The following SEMA4B variants were observed in gnomAD, a reference collection of about 807,000 sequenced individuals.
SEMA4B encodes the protein semaphorin 4B, also known as semaphorin-4B.
Under a neutral mutation model 88.1 loss-of-function variants are expected in SEMA4B, and 55 were observed. The ratio of observed to expected loss-of-function variants is 0.62; its 90% CI spans 0.50 to 0.78. The LOEUF (loss-of-function observed/expected upper bound fraction) is 0.78. Ranked by LOEUF, SEMA4B falls within the 30% of genes least tolerant of loss-of-function variation. SEMA4B has a pLI of 0.00. For missense variants in SEMA4B, 1,062 were observed against 1,111.9 expected, an observed-to-expected ratio of 0.96 and a Z score of 0.64; for synonymous variants, 525 against 473.6, an observed-to-expected ratio of 1.11 and a Z score of -1.41.
chr15:90,216,838 C>G (rs979741560), intron 1 of SEMA4B, among the ~76,000 whole-genome samples: 3 of 149,748 alleles, frequency 2.0e-5, no homozygotes, highest in African/African-American at 4.9e-5. Flanking sequence ...AGCGAGACTT[C>G]GTCTCAAAAA....
At chr15:90,220,101 G>A (rs1266989755) in intron 4 of SEMA4B, 2 of 528,768 alleles carry the variant, frequency 3.8e-6, no homozygotes, top group East Asian at 3.2e-5. Flanking sequence ...GGGAGGCGGG[G>A]GCACATGCGG....
chr15:90,198,815 TG>T (rs1960599703), upstream of SEMA4B, among the ~76,000 whole-genome samples: 1 of 152,140 alleles, frequency 6.6e-6, no homozygotes, highest in Admixed American at 6.5e-5. Context: ...GTGAATGAGA[TG>T]GGGGAACCCT....
intron 1 of SEMA4B, among the ~76,000 whole-genome samples, chr15:90,188,792 C>T (rs1024860886): frequency 2.0e-5 from 3 of 151,924 alleles, no homozygotes; most frequent in South Asian, 2.1e-4. Context: ...CTCAGCCTCC[C>T]GAGTAGCTGG....
chr15:90,200,803 C>CT (rs554688184), upstream of SEMA4B, among the ~76,000 whole-genome samples: 98 of 152,350 alleles, frequency 6.4e-4, 1 homozygote, highest in Middle Eastern at 3.4e-3. Context: ...GGTGCCTAGA[C>CT]TAAGTGCTGA....
intron 3 of SEMA4B, chr15:90,219,554 A>G (rs74037029): frequency 0.2 from 104,343 of 518,500 alleles, 14,408 homozygotes; most frequent in East Asian, 0.6. Flanking sequence ...CCCTAGGCCG[A>G]AGGAAAGTTT....
chr15:90,212,455 G>A lies in SEMA4B; in HGVS notation c.158-4984G>A, dbSNP rs184611470. On this transcript the variant is annotated intron_variant, in intron 1 of 13. Transcript: ENST00000411539. This position sits in a 1 kb window ranked among gnomAD's most constrained non-coding sequence, Gnocchi z 4.0. The stretch of plus-strand genomic sequence containing the variant: ...GGATAGATGGATTTAGAGGATGTCC[G>A]AGCAGCACAGGCAGCCCAGGAGAGC... Among the ~76,000 whole-genome samples the A allele has an allele frequency of 2.7e-4, 41 of 152,240 alleles. No homozygotes were observed. Among genetic ancestry groups the A allele is most frequent in the Admixed American group, 2.2e-3 (34 of 15,296 alleles).
At chr15:90,213,984 G>A (rs1961398887) in intron 1 of SEMA4B, among the ~76,000 whole-genome samples, 2 of 152,194 alleles carry the variant, frequency 1.3e-5, no homozygotes, top group Admixed American at 6.5e-5. Context: ...CCTGACCCCC[G>A]TCATCCTGTT....
At chr15:90,210,522 C>T (rs1394797530) in intron 1 of SEMA4B, among the ~76,000 whole-genome samples, 1 of 152,142 alleles carries the variant, frequency 6.6e-6, no homozygotes, top group Non-Finnish European at 1.5e-5. Flanking sequence ...GGCCCAGGGT[C>T]GGGCGGCATC....
intron 1 of SEMA4B, among the ~76,000 whole-genome samples, chr15:90,191,141 G>C (rs1285492109): frequency 6.6e-6 from 1 of 152,190 alleles, no homozygotes; most frequent in African/African-American, 2.4e-5. Flanking sequence ...TTGCCCCACA[G>C]CCCTGTGGGG....
chr15:90,196,164 G>A (rs1417516160), intron 1 of SEMA4B, among the ~76,000 whole-genome samples: 1 of 148,438 alleles, frequency 6.7e-6, no homozygotes, highest in Middle Eastern at 3.6e-3. Context: ...TCCTGACCTC[G>A]TGATCCGCCC....
chr15:90,191,936 C>T (rs61407869), intron 1 of SEMA4B: 11,359 of 152,370 alleles, frequency 0.075, 1,326 homozygotes, highest in African/African-American at 0.25. Flanking sequence ...TCAACATGTA[C>T]TGATGCTGCA....
chr15:90,210,454 T>C (rs905485734), intron 1 of SEMA4B, among the ~76,000 whole-genome samples: 5 of 152,084 alleles, frequency 3.3e-5, no homozygotes, highest in Non-Finnish European at 7.4e-5. Flanking sequence ...AGCAAGAACA[T>C]TCAGGAGCAA....
chr15:90,225,628 G>A, intron 11 of SEMA4B, 33 bp from the exon 12 acceptor site: 1 of 1,549,320 alleles, frequency 6.5e-7, no homozygotes, highest in African/African-American at 1.4e-5. Flanking sequence ...GGCTGCCCAT[G>A]CCCGCTTCTC....
At chr15:90,227,472 C>T (rs1249793257) in intron 12 of SEMA4B, 85 bp from the exon 13 acceptor site, 5 of 1,294,696 alleles carry the variant, frequency 3.9e-6, no homozygotes, top group Admixed American at 2.0e-5. Flanking sequence ...AGGCCCTTGC[C>T]CAGGCCCAAG....
At chr15:90,215,028 C>G (rs1312714405) in intron 1 of SEMA4B, 3 of 1,251,114 alleles carry the variant, frequency 2.4e-6, no homozygotes, top group Non-Finnish European at 3.1e-6. Flanking sequence ...TTTGCTTCCT[C>G]AGCTTCGTGA....
intron 9 of SEMA4B, 61 bp from the exon 10 acceptor site, chr15:90,224,907 C>A: frequency 2.8e-6 from 4 of 1,408,534 alleles, no homozygotes; most frequent in South Asian, 1.2e-5. Context: ...GGAAGCAGGG[C>A]CCGCATCCTG....
chr15:90,206,985 C>A, intron 1 of SEMA4B: 2 of 479,822 alleles, frequency 4.2e-6, no homozygotes, highest in Non-Finnish European at 3.7e-6. Flanking sequence ...ATCTTTGGCT[C>A]ACAAAAAAAA....
chr15:90,209,656 A>C lies in SEMA4B; in HGVS notation c.158-7783A>C, dbSNP rs948662851. Among the ~76,000 whole-genome samples, 4 of 152,184 alleles carry C rather than the reference A, an allele frequency of 2.6e-5. No individual in the cohort carries two copies. In the South Asian group the frequency reaches 8.3e-4, roughly 31 times the overall value. On this transcript the variant is annotated intron_variant, in intron 1 of 13. Coordinates refer to ENST00000411539, the MANE Select transcript of SEMA4B (RefSeq NM_198925.4). Reference sequence around the variant, plus strand: ...CATCATCCGACAGTGTCACCAGTGCACTACAAGACGTGTGAACAGGAAATG... The same window carrying C: ...CATCATCCGACAGTGTCACCAGTGCCCTACAAGACGTGTGAACAGGAAATG...
rs1476478586 is a variant in SEMA4B, at chr15:90,225,283, T to G, written c.1407T>G (p.Gly469=). 6.4e-7 allele frequency: 1 copy of G among 1,556,122 alleles called. No homozygotes were observed. Among genetic ancestry groups the G allele is most frequent in the East Asian group, 2.4e-5 (1 of 41,320 alleles). Residue 469 remains glycine, a splice_region_variant and synonymous_variant, in exon 11 of 14, where the codon GGT becomes GGG. Coordinates refer to ENST00000411539, the MANE Select transcript of SEMA4B (RefSeq NM_198925.4). ...HTYDVLFLGT[G]DGRLHKAVSV... is the part of the protein sequence containing the mutation. ...GCCTGAGTCCTGTCCACACCCCAGG[T>G]GACGGCCGGCTCCACAAGGCAGTGA... is the stretch of plus-strand genomic sequence containing the variant.
Sources: allele counts gnomAD v4.1 joint callset (sites outside exome capture counted in the v4.1 genomes callset), GRCh38; gene constraint gnomAD v4.1.1; non-coding constraint Gnocchi (gnomAD v3.1); transcripts MANE v1.5; gene names NCBI Gene and HGNC (gene_info 2026-07-23, HGNC 2026-07-21).